HRC: variants seen among roughly 807,000 people sequenced by gnomAD.
The protein encoded by HRC is sarcoplasmic reticulum histidine-rich calcium-binding protein.
A neutral mutation model predicts 61.4 loss-of-function variants in HRC; 41 were observed. The ratio of observed to expected loss-of-function variants is 0.67; its 90% CI spans 0.52 to 0.87. The LOEUF (loss-of-function observed/expected upper bound fraction) is 0.87, where lower values mean the gene tolerates loss of function less well. HRC is among the 40% of genes least tolerant of loss of function. The pLI, the probability that HRC is intolerant of heterozygous loss-of-function variation, is 0.00. For synonymous variants in HRC, 308 were observed against 326.6 expected, an observed-to-expected ratio of 0.94 and a Z score of 0.62; for missense variants, 839 against 885.8, an observed-to-expected ratio of 0.95 and a Z score of 0.67.
Position 49,153,320 on chromosome 19 carries a change from C to A in HRC, c.1843G>T (p.Ala615Ser), listed in dbSNP as rs775825134. 6.2e-7 allele frequency: 1 copy of A among 1,613,934 alleles called. No homozygotes were observed. The highest frequency in any genetic ancestry group is 1.1e-5 in the South Asian group (1 of 91,064). Residue 615 changes from alanine to serine, a missense_variant, in exon 2 of 6, where the codon GCT becomes TCT. Ala to Ser is a moderately conservative substitution (Grantham distance 99). Transcript: ENST00000252825. The surrounding 1 kb of genome is among the most constrained non-coding windows in gnomAD (Gnocchi z 4.8). ...GGCTGGTAGTTCCCATACTCCTGAG[C>A]ATCCTGTGGACCTGCGGGGACAGGA... The part of the protein sequence containing the change: ...ESGEDTGPQD[A>S]QEYGNYQPGS...
chr19:49,154,120 A>G lies in HRC; in HGVS notation c.1118T>C (p.Leu373Pro), dbSNP rs1299071973. ...CTCTTCTTCCTCTTCCTCATCTACAAGGCCATGGTGGACATGTTGGGGACC... is the reference window on the plus strand; with the variant it reads ...CTCTTCTTCCTCTTCCTCATCTACAGGGCCATGGTGGACATGTTGGGGACC... ...HQGPQHVHHG[L>P]VDEEEEEEEI... is the part of the protein sequence containing the mutation. Residue 373 changes from leucine (L) to proline (P), a missense_variant, in exon 1 of 6, where the codon CTT becomes CCT. Transcript: ENST00000252825. The G allele has an allele frequency of 1.6e-5, 26 of 1,613,790 alleles. No individual in the cohort carries two copies. Among genetic ancestry groups the G allele is most frequent in the Non-Finnish European group, 2.2e-5 (26 of 1,179,992 alleles).
rs759573785 is a variant in HRC, at chr19:49,154,545, G to GT, written c.692dup (p.His231GlnfsTer14). ...GCCTGTGGCTGGGGCCATGATGATGGTGTCCATCTGAGACATCCTCATCCT... is the reference window on the plus strand; with the variant it reads ...GCCTGTGGCTGGGGCCATGATGATGGTTGTCCATCTGAGACATCCTCATCCT... On this transcript the variant is annotated frameshift_variant, in exon 1 of 6. Coordinates refer to ENST00000252825, the MANE Select transcript of HRC (RefSeq NM_002152.3). LOFTEE classifies it high-confidence loss of function. 5 of 1,612,430 alleles carry GT rather than the reference G, an allele frequency of 3.1e-6. No homozygotes were observed. In the African/African-American group the frequency reaches 6.7e-5, roughly 22 times the overall value.
At position 49,151,306 on chromosome 19, in the gene HRC, G is replaced by T; in HGVS notation, c.2090C>A (p.Pro697Gln). 1 of 1,557,510 alleles carries T rather than the reference G, an allele frequency of 6.4e-7. No homozygotes were observed. Among genetic ancestry groups the T allele is most frequent in the Non-Finnish European group, 8.7e-7 (1 of 1,149,398 alleles). The change falls in exon 6 of 6, where the codon CCG becomes CAG. Residue 697 changes from proline (P) to glutamine (Q), a missense_variant. Physicochemically the swap from Pro to Gln is moderately conservative, Grantham distance 76. Coordinates refer to ENST00000252825, the MANE Select transcript of HRC (RefSeq NM_002152.3). ...AGTCGAGCGACTGGGTCAGGGTTCCGGCGTTTCCAGCATGTCTGCCAGGGC... is the reference window on the plus strand; with the variant it reads ...AGTCGAGCGACTGGGTCAGGGTTCCTGCGTTTCCAGCATGTCTGCCAGGGC... ...YQALADMLET[P>Q]EP
chr19:49,155,068 A>G lies in HRC; in HGVS notation c.170T>C (p.Leu57Pro), dbSNP rs892809953. Residue 57 changes from leucine (L) to proline (P), a missense_variant, in exon 1 of 6, where the codon CTT becomes CCT. Transcript: ENST00000252825. This position sits in a 1 kb window ranked among gnomAD's most constrained non-coding sequence, Gnocchi z 4.7. ...AGLSEEASAELRHHLHSPRDH... is the reference protein window; with the variant it reads ...AGLSEEASAEPRHHLHSPRDH... Reference sequence around the variant, plus strand: ...TCTAGGGCTGTGGAGGTGGTGGCGAAGCTCTGCTGATGCCTCCTCGGAGAG... The same window carrying G: ...TCTAGGGCTGTGGAGGTGGTGGCGAGGCTCTGCTGATGCCTCCTCGGAGAG... 17 of 1,614,080 alleles carry G rather than the reference A, an allele frequency of 1.1e-5. No homozygotes were observed. The highest frequency in any genetic ancestry group is 1.4e-5 in the Non-Finnish European group (17 of 1,180,060).
chr19:49,154,460 CA>C lies in HRC; in HGVS notation c.777del (p.Asp259GlufsTer116), dbSNP rs761634567. 2 of 1,542,504 alleles carry C rather than the reference CA, an allele frequency of 1.3e-6. No individual in the cohort carries two copies. Among genetic ancestry groups the C allele is most frequent in the Admixed American group, 3.5e-5 (2 of 57,068 alleles). On this transcript the variant is annotated frameshift_variant, in exon 1 of 6. Coordinates refer to ENST00000252825, the MANE Select transcript of HRC (RefSeq NM_002152.3). LOFTEE classifies it high-confidence loss of function. ...DDDDDDDDDDDDDVSIEYRHQ... is the reference protein window; with the variant it reads ...DDDDDDDDDDXDDVSIEYRHQ... ...TGTCTATATTCAATGGAGACATCAT[CA>C]TCATCATCATCATCATCATCATCAT...
In HRC at chr19:49,154,092, C is replaced by A. The variant is rs749255305; in HGVS notation, c.1146G>T (p.Glu382Asp). ...CATAGTGGCCGAACTGGACTGTGAT[C>A]TCCTCTTCTTCCTCTTCCTCATCTA... ...GLVDEEEEEE[E>D]ITVQFGHYVA... The change falls in exon 1 of 6, where the codon GAG (glutamate) becomes GAT (aspartate). Residue 382 changes from glutamate to aspartate, a missense_variant. Coordinates refer to ENST00000252825, the MANE Select transcript of HRC (RefSeq NM_002152.3). 3.1e-6 allele frequency: 5 copies of A among 1,614,128 alleles called. No homozygotes were observed. The highest frequency in any genetic ancestry group is 3.4e-6 in the Non-Finnish European group (4 of 1,180,028).
chr19:49,151,313 C>G lies in HRC; in HGVS notation c.2083G>C (p.Glu695Gln), dbSNP rs747078724. 1 of 1,558,370 alleles carries G rather than the reference C, an allele frequency of 6.4e-7. No individual in the cohort carries two copies. Among genetic ancestry groups the G allele is most frequent in the African/African-American group, 1.4e-5 (1 of 73,494 alleles). ...SLYQALADML[E>Q]TPEP ...CGACTGGGTCAGGGTTCCGGCGTTT[C>G]CAGCATGTCTGCCAGGGCCCTGGAG... The change falls in exon 6 of 6, where the codon GAA (glutamate) becomes CAA (glutamine). Residue 695 changes from glutamate to glutamine, a missense_variant. Coordinates refer to ENST00000252825, the MANE Select transcript of HRC (RefSeq NM_002152.3).
rs903492544 is a variant in HRC at position 49,152,125 on chromosome 19, C to G, written c.1972-67G>C. 9 of 1,447,192 alleles carry G rather than the reference C, an allele frequency of 6.2e-6. No homozygotes were observed. The African/African-American group carries it at 1.3e-4, about 20-fold the overall frequency. The allele number at this position is 1,447,192 out of a possible 1,614,324, so 89.6% of individuals were successfully genotyped here. A position where few individuals can be genotyped will look rare whatever the true frequency, so the allele number is the denominator to read the frequency against. Reference sequence around the variant, plus strand: ...GCCGGGGGCGGAGTTAGGATGGGGCCGGGACCAGACCCGGACCAGAGGCTA... The same window carrying G: ...GCCGGGGGCGGAGTTAGGATGGGGCGGGGACCAGACCCGGACCAGAGGCTA... On this transcript the variant is annotated intron_variant, in intron 3 of 5. Coordinates refer to ENST00000252825, the MANE Select transcript of HRC (RefSeq NM_002152.3).
In HRC at chr19:49,154,481, C is replaced by T. The variant is rs1444806589; in HGVS notation, c.757G>A (p.Asp253Asn). 1.3e-6 allele frequency: 2 copies of T among 1,588,250 alleles called. No individual in the cohort carries two copies. Among genetic ancestry groups the T allele is most frequent in the Admixed American group, 1.7e-5 (1 of 58,930 alleles). The change falls in exon 1 of 6, where the codon GAT becomes AAT. Residue 253 changes from aspartate to asparagine, a missense_variant. Transcript: ENST00000252825. ...TCATCATCATCATCATCATCATCAT[C>T]ATCATCATCATCATCGTCATCTTCT... ...HEEDDDDDDD[D>N]DDDDDDDDVS...
intron 4 of HRC, 93 bp from the exon 5 acceptor site, chr19:49,151,646 C>T: frequency 9.0e-7 from 1 of 1,111,138 alleles, no homozygotes; most frequent in South Asian, 1.3e-5. Context: ...GTGCTAGCTC[C>T]ACCTCCTTTT....
At position 49,153,594 on chromosome 19, in the gene HRC, GTCT is replaced by G. The variant is rs746677419; in HGVS notation, c.1641_1643del (p.Glu547del). The G allele has an allele frequency of 3.6e-5, 55 of 1,526,858 alleles. No homozygotes were observed. The highest frequency in any genetic ancestry group is 4.3e-5 in the Non-Finnish European group (48 of 1,111,482). 94.6% of individuals were successfully genotyped at this position (1,526,858 alleles called of 1,614,324 possible). A position where few individuals can be genotyped will look rare whatever the true frequency, so the allele number is the denominator to read the frequency against. ...CAGCCCTCTCTTCCCTCCTCTCCTCGTCTTCTTCCTCCTCCTCCTCCTCCTTGT... is the reference window on the plus strand; with the variant it reads ...CAGCCCTCTCTTCCCTCCTCTCCTCGTCTTCCTCCTCCTCCTCCTCCTTGT... On this transcript the variant is annotated inframe_deletion, in exon 1 of 6. Transcript: ENST00000252825. This position sits in a 1 kb window ranked among gnomAD's most constrained non-coding sequence, Gnocchi z 4.8.
chr19:49,155,337 GTC>G lies in HRC; in HGVS notation c.-102_-101del. ...GGGGTTGGTCTCTTTTTTTCTCTGT[GTC>G]TCTCCTTTGTCCTTTCGGTCTCTGT... On this transcript the variant is annotated 5_prime_UTR_variant, in exon 1 of 6. Transcript: ENST00000252825. The surrounding 1 kb of genome is among the most constrained non-coding windows in gnomAD (Gnocchi z 4.7). 1.4e-6 allele frequency: 2 copies of G among 1,424,042 alleles called. No homozygotes were observed. The highest frequency in any genetic ancestry group is 1.8e-6 in the Non-Finnish European group (2 of 1,086,312). The allele number at this position is 1,424,042 out of a possible 1,614,324, so 88.2% of individuals were successfully genotyped here. A position where few individuals can be genotyped will look rare whatever the true frequency, so the allele number is the denominator to read the frequency against.
Position 49,153,975 on chromosome 19 carries a change from T to A in HRC, c.1263A>T (p.Arg421Ser). Residue 421 changes from arginine (R) to serine (S), a missense_variant, in exon 1 of 6, where the codon AGA (arginine) becomes AGT (serine). Arg to Ser is a moderately radical substitution (Grantham distance 110). Coordinates refer to ENST00000252825, the MANE Select transcript of HRC (RefSeq NM_002152.3). The surrounding 1 kb of genome is among the most constrained non-coding windows in gnomAD (Gnocchi z 4.8). ...CCTCCTCATCTTCCTCCCTGGGGAC[T>A]CTGTGGTGGTGATGGTGAGGGACTT... The part of the protein sequence containing the change: ...KTEVPHHHHH[R>S]VPREEDEEVS... 6.2e-7 allele frequency: 1 copy of A among 1,613,586 alleles called. No individual in the cohort carries two copies. The highest frequency in any genetic ancestry group is 1.3e-5 in the African/African-American group (1 of 74,820).
Position 49,154,407 on chromosome 19 carries a change from C to A in HRC, c.831G>T (p.Gly277=), listed in dbSNP as rs781714343. The change falls in exon 1 of 6, where the codon GGG becomes GGT. Residue 277 remains glycine (G), a synonymous_variant. Coordinates refer to ENST00000252825, the MANE Select transcript of HRC (RefSeq NM_002152.3). The part of the protein sequence containing the change: ...RHQAHRHQGH[G]IEEDEDVSDG... Reference sequence around the variant, plus strand: ...CTGAGACATCTTCATCCTCTTCAATCCCGTGGCCTTGGTGCCTGTGAGCCT... The same window carrying A: ...CTGAGACATCTTCATCCTCTTCAATACCGTGGCCTTGGTGCCTGTGAGCCT... 9 of 1,598,486 alleles carry A rather than the reference C, an allele frequency of 5.6e-6. No homozygotes were observed. In the South Asian group the frequency reaches 1.0e-4, roughly 18 times the overall value.
rs1017233906 is a variant in HRC at position 49,154,943 on chromosome 19, A to G, written c.295T>C (p.Tyr99His). Residue 99 changes from tyrosine (Y) to histidine (H), a missense_variant, in exon 1 of 6, where the codon TAT becomes CAT. By Grantham distance (83) the Tyr-to-His change is moderately conservative. Coordinates refer to ENST00000252825, the MANE Select transcript of HRC (RefSeq NM_002152.3). The stretch of plus-strand genomic sequence containing the variant: ...CTGTGGCCTGGGAGTAGGTGCCCAT[A>G]TTCCTTGGAGACATCTTCATCCTCC... ...EKEDEDVSKE[Y>H]GHLLPGHRSQ... 3.7e-6 allele frequency: 6 copies of G among 1,613,864 alleles called. No individual in the cohort carries two copies. In the Admixed American group the frequency reaches 5.0e-5, roughly 13 times the overall value.
At chr19:49,152,513 G>A (rs1983588498) in intron 2 of HRC, 135 bp from the exon 3 acceptor site, 5 of 601,520 alleles carry the variant, frequency 8.3e-6, no homozygotes, top group Admixed American at 3.3e-5. Flanking sequence ...CTCTGTATCT[G>A]CCCCCCAAAC....
Position 49,154,767 on chromosome 19 carries a change from G to T in HRC, c.471C>A (p.Ser157Arg), listed in dbSNP as rs2041406937. The T allele has an allele frequency of 1.2e-6, 2 of 1,613,868 alleles. No homozygotes were observed. The highest frequency in any genetic ancestry group is 1.7e-6 in the Non-Finnish European group (2 of 1,179,960). ...EHRHHLPSHR[S>R]HSHQDEDEDE... is the part of the protein sequence containing the mutation. ...CCTCATCCTCGTCTTGATGGCTGTGGCTCCTGTGGCTGGGGAGGTGGTGCC... is the reference window on the plus strand; with the variant it reads ...CCTCATCCTCGTCTTGATGGCTGTGTCTCCTGTGGCTGGGGAGGTGGTGCC... Residue 157 changes from serine (S) to arginine (R), a missense_variant, in exon 1 of 6, where the codon AGC (serine) becomes AGA (arginine). Ser to Arg is a moderately radical substitution (Grantham distance 110). Coordinates refer to ENST00000252825, the MANE Select transcript of HRC (RefSeq NM_002152.3).
In HRC at chr19:49,152,108, C is replaced by T. The variant is rs1322388215; in HGVS notation, c.1972-50G>A. On this transcript the variant is annotated intron_variant, in intron 3 of 5. Transcript: ENST00000252825. ...AGTGAGCGTGGGGCGTGGCCGGGGG[C>T]GGAGTTAGGATGGGGCCGGGACCAG... is the stretch of plus-strand genomic sequence containing the variant. The T allele has an allele frequency of 5.1e-6, 8 of 1,554,290 alleles. No homozygotes were observed. In the South Asian group the frequency reaches 8.9e-5, roughly 17 times the overall value.
At position 49,154,375 on chromosome 19, in the gene HRC, T is replaced by C; in HGVS notation, c.863A>G (p.His288Arg). 6.2e-7 allele frequency: 1 copy of C among 1,611,304 alleles called. No homozygotes were observed. Among genetic ancestry groups the C allele is most frequent in the Non-Finnish European group, 8.5e-7 (1 of 1,179,798 alleles). ...CCTGTGGCTGGGGTCGCGATGATGG[T>C]GTCCATCTGAGACATCTTCATCCTC... ...IEEDEDVSDG[H>R]HHRDPSHRHR... is the part of the protein sequence containing the mutation. The change falls in exon 1 of 6, where the codon CAC (histidine) becomes CGC (arginine). Residue 288 changes from histidine (H) to arginine (R), a missense_variant. Physicochemically the swap from His to Arg is conservative, Grantham distance 29 (BLOSUM62 0). Transcript: ENST00000252825.
Sources: allele counts gnomAD v4.1 joint callset, GRCh38; gene constraint gnomAD v4.1.1; non-coding constraint Gnocchi (gnomAD v3.1); transcripts MANE v1.5; gene names NCBI Gene and HGNC (gene_info 2026-07-23, HGNC 2026-07-21).